The following SFMBT2 variants were observed in gnomAD, a reference collection of about 807,000 sequenced individuals.
The protein encoded by SFMBT2 is scm-like with four MBT domains protein 2.
Under a neutral mutation model 110.1 loss-of-function variants are expected in SFMBT2, and 38 were observed. The observed-to-expected ratio is 0.35, with a 90% confidence interval of 0.27 to 0.45. SFMBT2 has a LOEUF of 0.45. Ranked by LOEUF, SFMBT2 falls within the 20% of genes least tolerant of loss-of-function variation. SFMBT2 has a pLI of 1.00. For missense variants in SFMBT2, 1,011 were observed against 1,094.9 expected, an observed-to-expected ratio of 0.92 and a Z score of 1.08; for synonymous variants, 425 against 425.4, an observed-to-expected ratio of 1.00 and a Z score of 0.01.
intron 7 of SFMBT2, among the ~76,000 whole-genome samples, chr10:7,264,763 A>C (rs899453603): frequency 1.3e-5 from 2 of 152,128 alleles, no homozygotes; most frequent in East Asian, 3.9e-4. Context: ...GCTGCCTATA[A>C]AAAAGCAGAA....
chr10:7,306,342 A>G (rs780998478), intron 4 of SFMBT2, among the ~76,000 whole-genome samples: 5 of 152,256 alleles, frequency 3.3e-5, no homozygotes, highest in East Asian at 1.9e-4. Context: ...GGAAAAGTCA[A>G]TATTTCATGA....
At chr10:7,359,041 C>A (rs11255086) in intron 4 of SFMBT2, among the ~76,000 whole-genome samples, 7,461 of 152,200 alleles carry the variant, frequency 0.049, 600 homozygotes, top group African/African-American at 0.17. Context: ...AACTAGAGGA[C>A]GGTCAGTGGC....
intron 1 of SFMBT2, among the ~76,000 whole-genome samples, chr10:7,395,283 GAAA>G (rs1310549527): frequency 1.3e-5 from 2 of 151,300 alleles, no homozygotes; most frequent in Non-Finnish European, 3.0e-5. Flanking sequence ...CACCTTGGAG[GAAA>G]AAAAAAGAAT....
chr10:7,212,192 CAT>C (rs1159328201), intron 11 of SFMBT2, among the ~76,000 whole-genome samples: 4 of 152,216 alleles, frequency 2.6e-5, no homozygotes, highest in African/African-American at 9.6e-5. Flanking sequence ...GTCAGTCAGT[CAT>C]AGAGACAAAC....
chr10:7,306,720 G>A (rs1842708301), intron 4 of SFMBT2, among the ~76,000 whole-genome samples: 1 of 137,896 alleles, frequency 7.3e-6, no homozygotes, highest in African/African-American at 2.8e-5. Flanking sequence ...TGATACAGAA[G>A]ATGAAGCCAA....
At chr10:7,234,863 A>G (rs1327789101) in intron 9 of SFMBT2, among the ~76,000 whole-genome samples, 1 of 152,256 alleles carries the variant, frequency 6.6e-6, no homozygotes, top group East Asian at 1.9e-4. Flanking sequence ...CAGAGGGCAG[A>G]CAACAGCCTG....
chr10:7,252,324 C>T (rs1840837249), intron 7 of SFMBT2, among the ~76,000 whole-genome samples: 1 of 152,184 alleles, frequency 6.6e-6, no homozygotes, highest in Non-Finnish European at 1.5e-5. Context: ...CTTGGAAATA[C>T]AGCAGACAGC....
Position 7,163,896 on chromosome 10 carries a change from T to G in SFMBT2, c.2559A>C (p.Gln853His). 6.2e-7 allele frequency: 1 copy of G among 1,613,298 alleles called. No individual in the cohort carries two copies. The highest frequency in any genetic ancestry group is 8.5e-7 in the Non-Finnish European group (1 of 1,179,680). ...TCGGAAGGGTCAGAAGCAGGAGTGC[T>G]TGGCCGTCAATATCCTGCAGGAAAA... ...KIFQEQDIDGQALLLLTLPTV... is the reference protein window; with the variant it reads ...KIFQEQDIDGHALLLLTLPTV... Residue 853 changes from glutamine to histidine, a missense_variant, in exon 21 of 21, where the codon CAA (glutamine) becomes CAC (histidine). Around this residue, in one of 2 missense-constraint regions of SFMBT2, gnomAD observed 32 missense variants for 78.8 expected, o/e 0.41. Transcript: ENST00000397167. The surrounding 1 kb of genome is among the most constrained non-coding windows in gnomAD (Gnocchi z 4.8).
At chr10:7,360,882 T>C (rs1844694320) in intron 4 of SFMBT2, among the ~76,000 whole-genome samples, 1 of 152,248 alleles carries the variant, frequency 6.6e-6, no homozygotes, top group Non-Finnish European at 1.5e-5. Context: ...GTTTCCTACC[T>C]GAATGTTCCC....
At chr10:7,229,454 T>C (rs1009561843) in intron 9 of SFMBT2, among the ~76,000 whole-genome samples, 2 of 151,478 alleles carry the variant, frequency 1.3e-5, no homozygotes, top group Non-Finnish European at 2.9e-5. Flanking sequence ...TGGTGGGTGC[T>C]TGTAATCCCA....
chr10:7,277,105 G>C, intron 6 of SFMBT2, 116 bp from the exon 7 acceptor site: 1 of 684,458 alleles, frequency 1.5e-6, no homozygotes, highest in Non-Finnish European at 2.6e-6. Context: ...CAGTGACCGT[G>C]AGTGTTCACA....
chr10:7,261,741 G>C (rs1199589605), intron 7 of SFMBT2, among the ~76,000 whole-genome samples: 1 of 152,212 alleles, frequency 6.6e-6, no homozygotes, highest in Non-Finnish European at 1.5e-5. Context: ...GTTAAGTGCA[G>C]GACATCATAT....
chr10:7,169,502 T>C (rs911390453), intron 20 of SFMBT2, among the ~76,000 whole-genome samples: 1 of 152,250 alleles, frequency 6.6e-6, no homozygotes, highest in Non-Finnish European at 1.5e-5. Context: ...TTATGTTTCC[T>C]GATTTAATGC....
chr10:7,295,793 T>C (rs1842391981), intron 4 of SFMBT2, among the ~76,000 whole-genome samples: 1 of 152,218 alleles, frequency 6.6e-6, no homozygotes, highest in Non-Finnish European at 1.5e-5. Flanking sequence ...GTTAATATTT[T>C]TCTGGAGTTC....
intron 2 of SFMBT2, among the ~76,000 whole-genome samples, chr10:7,380,042 G>A (rs185907068): frequency 2.0e-5 from 3 of 152,314 alleles, no homozygotes; most frequent in Non-Finnish European, 4.4e-5. Context: ...AGTAATCCAC[G>A]TTGGATGTGT....
intron 4 of SFMBT2, among the ~76,000 whole-genome samples, chr10:7,309,932 A>C (rs1277589944): frequency 6.6e-6 from 1 of 152,158 alleles, no homozygotes; most frequent in Non-Finnish European, 1.5e-5. Flanking sequence ...AGGGTTTTTT[A>C]ATAGTATCAG....
intron 4 of SFMBT2, among the ~76,000 whole-genome samples, chr10:7,308,299 G>A (rs753413718): frequency 9.2e-5 from 14 of 152,128 alleles, no homozygotes; most frequent in Non-Finnish European, 1.8e-4. Flanking sequence ...AGTAGAGGCT[G>A]CAATGAGCTA....
At chr10:7,333,705 C>G (rs1189785431) in intron 4 of SFMBT2, among the ~76,000 whole-genome samples, 1 of 151,244 alleles carries the variant, frequency 6.6e-6, no homozygotes, top group Non-Finnish European at 1.5e-5. Flanking sequence ...CCACTCCCTA[C>G]ACGGCCTCCC....
chr10:7,214,430 A>G (rs1564387668), intron 11 of SFMBT2, among the ~76,000 whole-genome samples: 2 of 152,378 alleles, frequency 1.3e-5, no homozygotes, highest in East Asian at 3.9e-4. Context: ...TCCACCAACC[A>G]GTCAGATAAA....
Sources: allele counts gnomAD v4.1 joint callset (sites outside exome capture counted in the v4.1 genomes callset), GRCh38; gene constraint gnomAD v4.1.1; regional missense constraint gnomAD v4.1.1; non-coding constraint Gnocchi (gnomAD v3.1); transcripts MANE v1.5; gene names NCBI Gene and HGNC (gene_info 2026-07-23, HGNC 2026-07-21).